Variants in UBE2E3 observed in about 807,000 individuals in gnomAD.
The protein encoded by UBE2E3 is ubiquitin conjugating enzyme E2 E3, also known as ubiquitin-conjugating enzyme E2 E3.
Under a neutral mutation model 23.6 loss-of-function variants are expected in UBE2E3, and 5 were observed. The observed-to-expected ratio is 0.21, with a 90% confidence interval of 0.11 to 0.44. The LOEUF (loss-of-function observed/expected upper bound fraction) is 0.44, where lower values mean the gene tolerates loss of function less well. UBE2E3 is among the 20% of genes least tolerant of loss of function. The pLI, the probability that UBE2E3 is intolerant of heterozygous loss-of-function variation, is 0.99. For missense variants in UBE2E3, 81 were observed against 249.8 expected, an observed-to-expected ratio of 0.32 and a Z score of 4.55; for synonymous variants, 78 against 87.5, an observed-to-expected ratio of 0.89 and a Z score of 0.60.
chr2:180,984,809 TA>T (rs1684402901), intron 3 of UBE2E3, among the ~76,000 whole-genome samples: 1 of 152,172 alleles, frequency 6.6e-6, no homozygotes, highest in Non-Finnish European at 1.5e-5. Context: ...GCTGGTTGAT[TA>T]TTTTTTCTCT....
chr2:181,022,553 C>A (rs1685739761), intron 3 of UBE2E3, among the ~76,000 whole-genome samples: 1 of 151,666 alleles, frequency 6.6e-6, no homozygotes, highest in African/African-American at 2.4e-5. Flanking sequence ...TATAACCATG[C>A]CTGAAGGAAG....
chr2:181,026,240 C>A (rs184799147), intron 3 of UBE2E3, among the ~76,000 whole-genome samples: 3 of 151,676 alleles, frequency 2.0e-5, no homozygotes, highest in Admixed American at 6.6e-5. Flanking sequence ...CTCATAGAAA[C>A]AGAAAAACCA....
At position 181,010,433 on chromosome 2, in the gene UBE2E3, C is replaced by A. The variant is rs528638806; in HGVS notation, c.245+26340C>A. Among the ~76,000 whole-genome samples, 156 of 152,188 alleles carry A rather than the reference C, an allele frequency of 1.0e-3. 1 individual carries two copies. Among genetic ancestry groups the A allele is most frequent in the Non-Finnish European group, 1.1e-3 (74 of 68,006 alleles). Reference sequence around the variant, plus strand: ...CAAGTCGCGCTCTTATTGCAGCTGGCAGCATGTCAGTCTTATAATCTGAAG... The same window carrying A: ...CAAGTCGCGCTCTTATTGCAGCTGGAAGCATGTCAGTCTTATAATCTGAAG... On this transcript the variant is annotated intron_variant, in intron 3 of 5. Coordinates refer to ENST00000410062, the MANE Select transcript of UBE2E3 (RefSeq NM_006357.4).
chr2:181,043,949 A>T (rs1686594289), intron 3 of UBE2E3, among the ~76,000 whole-genome samples: 1 of 152,118 alleles, frequency 6.6e-6, no homozygotes, highest in Non-Finnish European at 1.5e-5. Context: ...TTTGAGTTTC[A>T]CTATTGTTAT....
At chr2:181,037,893 A>T (rs1165516623) in intron 3 of UBE2E3, among the ~76,000 whole-genome samples, 1 of 152,210 alleles carries the variant, frequency 6.6e-6, no homozygotes, top group Non-Finnish European at 1.5e-5. Context: ...ACTTGAGCCC[A>T]GGAGTTCAAG....
chr2:181,041,234 C>CAAAAAAAAAAAAAA (rs1206207155), intron 3 of UBE2E3, among the ~76,000 whole-genome samples: 8,055 of 76,862 alleles, frequency 0.1, 1,132 homozygotes, highest in Non-Finnish European at 0.14. Context: ...GACTCCGTCT[C>CAAAAAAAAAAAAAA]AAAAAAAAAA....
At chr2:181,012,372 A>T (rs1685356308) in intron 3 of UBE2E3, among the ~76,000 whole-genome samples, 1 of 151,656 alleles carries the variant, frequency 6.6e-6, no homozygotes, top group Non-Finnish European at 1.5e-5. Flanking sequence ...TCTTATTTAC[A>T]TTATTTTCTA....
chr2:180,989,372 T>G (rs556062200), intron 3 of UBE2E3, among the ~76,000 whole-genome samples: 1 of 152,298 alleles, frequency 6.6e-6, no homozygotes, highest in East Asian at 1.9e-4. Flanking sequence ...ATAAATAAAT[T>G]GAAGTCTCTC....
At chr2:181,021,317 C>T (rs990172622) in intron 3 of UBE2E3, among the ~76,000 whole-genome samples, 2 of 151,766 alleles carry the variant, frequency 1.3e-5, no homozygotes, top group African/African-American at 4.8e-5. Context: ...AATTGATTAT[C>T]CAGATAACCT....
At chr2:181,014,501 A>G (rs749689358) in intron 3 of UBE2E3, among the ~76,000 whole-genome samples, 3 of 152,176 alleles carry the variant, frequency 2.0e-5, no homozygotes, top group Non-Finnish European at 4.4e-5. Flanking sequence ...GGGAAGGCTA[A>G]GGTCAACTTT....
chr2:181,044,187 G>T (rs1002221214), intron 3 of UBE2E3, among the ~76,000 whole-genome samples: 28 of 152,054 alleles, frequency 1.8e-4, no homozygotes, highest in African/African-American at 6.8e-4. Flanking sequence ...GCCAGGTTTT[G>T]TGTTAAAGAT....
intron 3 of UBE2E3, among the ~76,000 whole-genome samples, chr2:180,998,626 G>A (rs937597259): frequency 6.6e-6 from 1 of 152,104 alleles, no homozygotes; most frequent in Admixed American, 6.5e-5. Context: ...TGGTAATAAT[G>A]TGGGGGCGGG....
intron 3 of UBE2E3, among the ~76,000 whole-genome samples, chr2:180,985,534 A>C (rs1259503956): frequency 1.3e-5 from 2 of 152,186 alleles, no homozygotes; most frequent in African/African-American, 4.8e-5. Context: ...TAGAATATTT[A>C]AAATTACGTA....
chr2:180,980,970 C>A lies in UBE2E3; in HGVS notation c.-29C>A, dbSNP rs1364795048. On this transcript the variant is annotated 5_prime_UTR_variant, in exon 1 of 6. Coordinates refer to ENST00000410062, the MANE Select transcript of UBE2E3 (RefSeq NM_006357.4). This position sits in a 1 kb window ranked among gnomAD's most constrained non-coding sequence, Gnocchi z 5.5. ...CGCGCGAGCGGGCCGGGCGGGCGGCCGAGGTAAGGCGGCGGGGCCGGGGGG... is the reference window on the plus strand; with the variant it reads ...CGCGCGAGCGGGCCGGGCGGGCGGCAGAGGTAAGGCGGCGGGGCCGGGGGG... The A allele has an allele frequency of 6.8e-6, 1 of 147,190 alleles. No individual in the cohort carries two copies. The highest frequency in any genetic ancestry group is 3.4e-3 in the Middle Eastern group (1 of 290). The allele number at this position is 147,190 out of a possible 1,614,324, so 9.1% of individuals were successfully genotyped here.
chr2:180,991,668 C>T (rs1684662912), intron 3 of UBE2E3, among the ~76,000 whole-genome samples: 1 of 152,094 alleles, frequency 6.6e-6, no homozygotes, highest in Non-Finnish European at 1.5e-5. Context: ...GTTTTTTTAG[C>T]TCATCAGCTA....
chr2:181,033,325 A>G (rs981044197), intron 3 of UBE2E3, among the ~76,000 whole-genome samples: 5 of 152,236 alleles, frequency 3.3e-5, no homozygotes, highest in African/African-American at 1.2e-4. Context: ...CTGGTACCAA[A>G]ACGGAGATAT....
chr2:180,996,684 C>G (rs1170273119), intron 3 of UBE2E3, among the ~76,000 whole-genome samples: 5 of 152,094 alleles, frequency 3.3e-5, no homozygotes, highest in Non-Finnish European at 7.4e-5. Context: ...TTGGCACTTG[C>G]AAATTACTGG....
chr2:181,050,687 C>G (rs1186312106), intron 3 of UBE2E3, among the ~76,000 whole-genome samples: 1 of 151,808 alleles, frequency 6.6e-6, no homozygotes, highest in African/African-American at 2.4e-5. Flanking sequence ...AATCTTAGCT[C>G]TGCATATACG....
chr2:181,049,012 C>G (rs1447060393), intron 3 of UBE2E3, among the ~76,000 whole-genome samples: 1 of 151,998 alleles, frequency 6.6e-6, no homozygotes, highest in Non-Finnish European at 1.5e-5. Flanking sequence ...CAGTAGAACT[C>G]AGCTGAGAGA....
Sources: gnomAD v4.1 joint callset for allele counts (sites outside exome capture counted in the v4.1 genomes callset) on GRCh38, gnomAD v4.1.1 for gene constraint, Gnocchi (gnomAD v3.1) non-coding constraint, MANE v1.5 for transcripts, NCBI Gene and HGNC (gene_info 2026-07-23, HGNC 2026-07-21) for gene names.